SHROOM3: variants seen among roughly 807,000 people sequenced by gnomAD.
SHROOM3 encodes shroom family member 3.
Under a neutral mutation model 138.6 loss-of-function variants are expected in SHROOM3, and 47 were observed. The observed-to-expected ratio is 0.34, with a 90% CI of 0.27 to 0.43. The LOEUF is 0.43. Ranked by LOEUF, SHROOM3 falls within the 20% of genes least tolerant of loss-of-function variation. The pLI, the probability that SHROOM3 is intolerant of heterozygous loss-of-function variation, is 1.00. For synonymous variants in SHROOM3, 1,062 were observed against 1,063.3 expected (o/e 1.00, Z 0.02); for missense variants, 2,491 against 2,596.5 (o/e 0.96, Z 0.88).
At chr4:76,647,528 A>G (rs1044604187) in intron 2 of SHROOM3, among the ~76,000 whole-genome samples, 1 of 152,232 alleles carries the variant, frequency 6.6e-6, no homozygotes, top group Non-Finnish European at 1.5e-5. Flanking sequence ...CATGTATCCC[A>G]TAACTATGTA....
chr4:76,547,292 C>A (rs538801651), intron 1 of SHROOM3, among the ~76,000 whole-genome samples: 9 of 152,318 alleles, frequency 5.9e-5, no homozygotes, highest in Admixed American at 4.6e-4. Flanking sequence ...GAATTCTAAT[C>A]CCAGCTCTAT....
chr4:76,589,725 G>A (rs960552838), intron 2 of SHROOM3, among the ~76,000 whole-genome samples: 3 of 152,196 alleles, frequency 2.0e-5, no homozygotes, highest in African/African-American at 7.2e-5. Context: ...CCAGGGGCGG[G>A]GGTCCCAGCA....
chr4:76,691,148 T>C (rs937429872), intron 2 of SHROOM3, among the ~76,000 whole-genome samples: 3 of 152,154 alleles, frequency 2.0e-5, no homozygotes, highest in African/African-American at 7.2e-5. Context: ...GGTTAATATG[T>C]TTATTGGCTT....
chr4:76,621,153 A>C (rs1180667312), intron 2 of SHROOM3, among the ~76,000 whole-genome samples: 1 of 151,992 alleles, frequency 6.6e-6, no homozygotes, highest in Admixed American at 6.6e-5. Flanking sequence ...AGTATTAAAA[A>C]AAAAAACAAA....
At chr4:76,697,701 T>C (rs750560696) in intron 2 of SHROOM3, among the ~76,000 whole-genome samples, 2 of 152,248 alleles carry the variant, frequency 1.3e-5, no homozygotes, top group East Asian at 1.9e-4. Context: ...AAATTTGTTA[T>C]GTAAAAATAC....
At chr4:76,629,579 C>T (rs979890454) in intron 2 of SHROOM3, among the ~76,000 whole-genome samples, 6 of 152,160 alleles carry the variant, frequency 3.9e-5, no homozygotes, top group Non-Finnish European at 7.4e-5. Flanking sequence ...GGCTGTGGCA[C>T]GGATCCAGGA....
chr4:76,567,157 G>C (rs1012013391), intron 2 of SHROOM3, among the ~76,000 whole-genome samples: 1 of 152,218 alleles, frequency 6.6e-6, no homozygotes, highest in East Asian at 1.9e-4. Flanking sequence ...GGGGACAGTT[G>C]CTTGGTTAGT....
chr4:76,539,179 A>G (rs1265129815), intron 1 of SHROOM3, among the ~76,000 whole-genome samples: 1 of 152,220 alleles, frequency 6.6e-6, no homozygotes, highest in Non-Finnish European at 1.5e-5. Flanking sequence ...GAATTAAATA[A>G]CATGTGTGTG....
intron 1 of SHROOM3, among the ~76,000 whole-genome samples, chr4:76,536,103 A>G (rs1732948952): frequency 6.6e-6 from 1 of 152,208 alleles, no homozygotes; most frequent in African/African-American, 2.4e-5. Context: ...GCCACCCAGT[A>G]TGGAATTTGG....
intron 1 of SHROOM3, among the ~76,000 whole-genome samples, chr4:76,532,994 A>C (rs1396010816): frequency 1.3e-5 from 2 of 152,218 alleles, no homozygotes; most frequent in East Asian, 3.9e-4. Flanking sequence ...TATAGTGTGG[A>C]TACACTGGAC....
Position 76,569,388 on chromosome 4 carries a change from G to T in SHROOM3, c.323+13625G>T, listed in dbSNP as rs60441596. ...GAGGGGTCATTTTGGAGAAACTGCT[G>T]CCTGCTTTATGAAGGTCAAAGCACC... On this transcript the variant is annotated intron_variant, in intron 2 of 10. Transcript: ENST00000296043. 5.8e-3 allele frequency among the ~76,000 whole-genome samples: 880 copies of T among 152,242 alleles called. 4 individuals carry two copies. Among genetic ancestry groups the T allele is most frequent in the African/African-American group, 0.02 (836 of 41,538 alleles).
intron 1 of SHROOM3, among the ~76,000 whole-genome samples, chr4:76,551,307 C>T (rs28636696): frequency 0.12 from 18,136 of 152,154 alleles, 1,321 homozygotes; most frequent in East Asian, 0.34. Context: ...TTTGCTTTCA[C>T]ATCAAATCAG....
At chr4:76,600,280 C>T (rs766386618) in intron 2 of SHROOM3, among the ~76,000 whole-genome samples, 1 of 152,152 alleles carries the variant, frequency 6.6e-6, no homozygotes, top group Admixed American at 6.5e-5. Context: ...ATGGGTTAAC[C>T]TGAGGAGAAA....
chr4:76,710,312 G>C lies in SHROOM3; in HGVS notation c.455+25G>C, dbSNP rs1181364753. On this transcript the variant is annotated intron_variant, in intron 3 of 10. Coordinates refer to ENST00000296043, the MANE Select transcript of SHROOM3 (RefSeq NM_020859.4). The stretch of plus-strand genomic sequence containing the variant: ...GGTAAGACGCACGGAAGTTGGTGCT[G>C]GCAGTTCGGAAAAAGAACCCAGTCC... 3 of 1,613,252 alleles carry C rather than the reference G, an allele frequency of 1.9e-6. No individual in the cohort carries two copies. In the Admixed American group the frequency reaches 5.0e-5, roughly 27 times the overall value.
At chr4:76,463,037 G>A (rs1731174079) in intron 1 of SHROOM3, among the ~76,000 whole-genome samples, 1 of 152,234 alleles carries the variant, frequency 6.6e-6, no homozygotes, top group Non-Finnish European at 1.5e-5. Flanking sequence ...TTGGTAATGG[G>A]CATAGGATGG....
chr4:76,498,483 A>G (rs1415219984), intron 1 of SHROOM3, among the ~76,000 whole-genome samples: 2 of 152,158 alleles, frequency 1.3e-5, no homozygotes, highest in Non-Finnish European at 2.9e-5. Flanking sequence ...GAGGCAGTGT[A>G]TAAGGAGGAC....
intron 2 of SHROOM3, among the ~76,000 whole-genome samples, chr4:76,658,935 A>G (rs185821162): frequency 6.6e-6 from 1 of 151,946 alleles, no homozygotes; most frequent in South Asian, 2.1e-4. Flanking sequence ...TTTGGAAACA[A>G]TTAGGGAATG....
intron 2 of SHROOM3, among the ~76,000 whole-genome samples, chr4:76,701,839 C>T (rs1396951353): frequency 6.6e-6 from 1 of 152,150 alleles, no homozygotes. Flanking sequence ...CACATATGCT[C>T]TCAGGATAGG....
intron 2 of SHROOM3, among the ~76,000 whole-genome samples, chr4:76,613,929 G>A (rs1474976689): frequency 6.6e-6 from 1 of 152,218 alleles, no homozygotes; most frequent in Admixed American, 6.5e-5. Context: ...AATAGCCTTT[G>A]ACAGAAGGTT....
Sources: allele counts gnomAD v4.1 joint callset (sites outside exome capture counted in the v4.1 genomes callset), GRCh38; gene constraint gnomAD v4.1.1; transcripts MANE v1.5; gene names NCBI Gene and HGNC (gene_info 2026-07-23, HGNC 2026-07-21).